Variants in KCNN2 observed in about 807,000 individuals in gnomAD.
KCNN2 encodes small conductance calcium-activated potassium channel protein 2.
Under a neutral mutation model 55.5 loss-of-function variants are expected in KCNN2, and 24 were observed. The ratio of observed to expected loss-of-function variants is 0.43; its 90% CI spans 0.31 to 0.61. KCNN2 has a LOEUF of 0.61. Ranked by LOEUF, KCNN2 falls within the 20% of genes least tolerant of loss-of-function variation. KCNN2 has a pLI of 0.08. For synonymous variants in KCNN2, 431 were observed against 336.1 expected (o/e 1.28, Z -3.09); for missense variants, 754 against 853.6 (o/e 0.88, Z 1.45).
intron 1 of KCNN2, among the ~76,000 whole-genome samples, chr5:114,131,496 A>C (rs1447586664): frequency 6.6e-6 from 1 of 152,154 alleles, no homozygotes; most frequent in East Asian, 1.9e-4. Flanking sequence ...TCCATGGTGT[A>C]TGTGTACCAC....
intron 3 of KCNN2, among the ~76,000 whole-genome samples, chr5:114,448,396 C>T (rs1045313060): frequency 6.6e-6 from 1 of 152,116 alleles, no homozygotes. Context: ...TGTGCTCCTC[C>T]TGCATGAACC....
At chr5:114,360,890 G>A (rs1757399923), upstream of KCNN2, 1 of 152,298 alleles carries the variant, frequency 6.6e-6, no homozygotes, top group Non-Finnish European at 1.5e-5. Context: ...ACTTGGCAAA[G>A]ATGCTCGATA....
intron 2 of KCNN2, among the ~76,000 whole-genome samples, chr5:114,309,460 A>C (rs544641335): frequency 6.6e-6 from 1 of 152,168 alleles, no homozygotes; most frequent in Non-Finnish European, 1.5e-5. Context: ...CCTGAGTCCA[A>C]ATTGCTTTGT....
intron 2 of KCNN2, among the ~76,000 whole-genome samples, chr5:114,249,847 GAGA>G (rs1267761864): frequency 6.6e-6 from 1 of 151,686 alleles, no homozygotes; most frequent in African/African-American, 2.4e-5. Flanking sequence ...TGAATATGAA[GAGA>G]AGAAGACTTG....
At chr5:114,312,258 G>A (rs1167751641) in intron 2 of KCNN2, among the ~76,000 whole-genome samples, 1 of 151,212 alleles carries the variant, frequency 6.6e-6, no homozygotes, top group Non-Finnish European at 1.5e-5. Flanking sequence ...TTTTGAACAG[G>A]CTGTCCAGGC....
At chr5:114,474,937 C>T (rs1993657) in intron 5 of KCNN2, among the ~76,000 whole-genome samples, 52,572 of 151,592 alleles carry the variant, frequency 0.35, 9,452 homozygotes, top group East Asian at 0.62. Context: ...GCCAAGTTAG[C>T]ATGTTTGGGC....
At chr5:114,114,260 A>T (rs1751668873) in intron 1 of KCNN2, among the ~76,000 whole-genome samples, 2 of 151,948 alleles carry the variant, frequency 1.3e-5, no homozygotes, top group Admixed American at 6.6e-5. Flanking sequence ...GACAGGTCTC[A>T]CTCTTTTTCC....
At chr5:114,137,845 A>G (rs1254289236) in intron 1 of KCNN2, among the ~76,000 whole-genome samples, 1 of 152,208 alleles carries the variant, frequency 6.6e-6, no homozygotes, top group African/African-American at 2.4e-5. Flanking sequence ...ACATTTGAGT[A>G]AATATTGGGG....
At chr5:114,439,627 G>A (rs1760136720) in intron 3 of KCNN2, among the ~76,000 whole-genome samples, 1 of 152,062 alleles carries the variant, frequency 6.6e-6, no homozygotes, top group African/African-American at 2.4e-5. Context: ...CTAATGCACC[G>A]CCAAGGTTAA....
intron 1 of KCNN2, among the ~76,000 whole-genome samples, chr5:114,148,969 A>G (rs1042471642): frequency 1.3e-5 from 2 of 152,108 alleles, no homozygotes; most frequent in East Asian, 1.9e-4. Flanking sequence ...CCAACCAGAA[A>G]TAGGAAGTAA....
intron 1 of KCNN2, among the ~76,000 whole-genome samples, chr5:114,103,735 T>A (rs1437845319): frequency 6.8e-6 from 1 of 146,856 alleles, no homozygotes; most frequent in Non-Finnish European, 1.5e-5. Context: ...GTTTATTGAT[T>A]TGCATATGTT....
intron 2 of KCNN2, among the ~76,000 whole-genome samples, chr5:114,256,130 A>C (rs1754978724): frequency 6.6e-6 from 1 of 152,142 alleles, no homozygotes; most frequent in Non-Finnish European, 1.5e-5. Context: ...TATTTTACTT[A>C]AGATAATCAT....
intron 1 of KCNN2, among the ~76,000 whole-genome samples, chr5:114,090,114 T>TA (rs1751105109): frequency 6.6e-6 from 1 of 152,192 alleles, no homozygotes; most frequent in South Asian, 2.1e-4. Flanking sequence ...TCATTCCAGA[T>TA]ATCTTTTTAT....
chr5:114,163,132 C>T (rs1752826953), intron 1 of KCNN2, among the ~76,000 whole-genome samples: 1 of 152,154 alleles, frequency 6.6e-6, no homozygotes, highest in African/African-American at 2.4e-5. Flanking sequence ...TCCTATTTGG[C>T]CATCTTGGCT....
intron 2 of KCNN2, among the ~76,000 whole-genome samples, chr5:114,397,772 T>A (rs900025295): frequency 4.6e-5 from 7 of 152,216 alleles, no homozygotes; most frequent in Non-Finnish European, 8.8e-5. Context: ...TTTGCCTTTC[T>A]CTGATGATTA....
At chr5:114,468,328 A>C (rs1482577224) in intron 4 of KCNN2, among the ~76,000 whole-genome samples, 1 of 152,096 alleles carries the variant, frequency 6.6e-6, no homozygotes, top group Non-Finnish European at 1.5e-5. Context: ...TATTTATGTC[A>C]GTCAAGTATA....
At chr5:114,154,709 T>G (rs1040442733) in intron 1 of KCNN2, among the ~76,000 whole-genome samples, 3 of 152,296 alleles carry the variant, frequency 2.0e-5, no homozygotes, top group Non-Finnish European at 4.4e-5. Context: ...TCCTTTGAGC[T>G]GGTCAACCAT....
chr5:114,086,962 A>C (rs1751029739), intron 1 of KCNN2, among the ~76,000 whole-genome samples: 1 of 151,712 alleles, frequency 6.6e-6, no homozygotes, highest in Non-Finnish European at 1.5e-5. Flanking sequence ...TTGACTTTTT[A>C]GTAGTAGCCA....
At chr5:114,267,851 G>A (rs1301193847) in intron 2 of KCNN2, among the ~76,000 whole-genome samples, 2 of 152,154 alleles carry the variant, frequency 1.3e-5, no homozygotes, top group Non-Finnish European at 2.9e-5. Flanking sequence ...GTTTCTAGAT[G>A]CAGAAGCTTT....
Sources: gnomAD v4.1 joint callset for allele counts (sites outside exome capture counted in the v4.1 genomes callset) on GRCh38, gnomAD v4.1.1 for gene constraint, MANE v1.5 for transcripts, NCBI Gene and HGNC (gene_info 2026-07-23, HGNC 2026-07-21) for gene names.